Variants in MCTP1 observed in about 807,000 individuals in gnomAD.
MCTP1 encodes multiple C2 and transmembrane domain-containing protein 1.
A neutral mutation model predicts 120.6 loss-of-function variants in MCTP1; 69 were observed. The observed-to-expected ratio is 0.57, with a 90% confidence interval of 0.47 to 0.70. MCTP1 has a LOEUF of 0.70. MCTP1 is among the 30% of genes least tolerant of loss of function. MCTP1 has a pLI of 0.00. For synonymous variants in MCTP1, 529 were observed against 493.1 expected, an observed-to-expected ratio of 1.07 and a Z score of -0.96; for missense variants, 1,203 against 1,248.8, an observed-to-expected ratio of 0.96 and a Z score of 0.55.
rs1755530272 is a variant in MCTP1 at position 94,708,608 on chromosome 5, G to T, written c.2832C>A (p.Gly944=). Residue 944 remains glycine (G), a splice_region_variant and synonymous_variant, in exon 22 of 23, where the codon GGC becomes GGA. Coordinates refer to ENST00000515393, the MANE Select transcript of MCTP1 (RefSeq NM_024717.7). ...IPLRYIVLVW[G]INKFTKKLRS... is the part of the protein sequence containing the mutation. ...GAAGCTTTTTTGTAAATTTATTGAT[G>T]CCTGAAACAAAGTTGGAGTTAAACA... 1 of 1,587,758 alleles carries T rather than the reference G, an allele frequency of 6.3e-7. No individual in the cohort carries two copies. The highest frequency in any genetic ancestry group is 8.6e-7 in the Non-Finnish European group (1 of 1,157,160).
chr5:95,028,876 T>C (rs1052588372), intron 1 of MCTP1, among the ~76,000 whole-genome samples: 6 of 152,194 alleles, frequency 3.9e-5, no homozygotes, highest in East Asian at 1.9e-4. Flanking sequence ...AGATAAAATA[T>C]GTAGGCCGGG....
chr5:95,216,957 T>C (rs992946871), intron 1 of MCTP1, among the ~76,000 whole-genome samples: 1 of 152,190 alleles, frequency 6.6e-6, no homozygotes, highest in Non-Finnish European at 1.5e-5. Context: ...AAGATTTAAA[T>C]GTTTTTCACT....
intron 1 of MCTP1, among the ~76,000 whole-genome samples, chr5:95,248,681 G>A (rs959730506): frequency 6.6e-6 from 1 of 152,036 alleles, no homozygotes; most frequent in Non-Finnish European, 1.5e-5. Flanking sequence ...TTAAAATTCA[G>A]ATGGAACCAA....
At chr5:95,160,731 T>TAA (rs1433440648) in intron 1 of MCTP1, among the ~76,000 whole-genome samples, 10 of 66,250 alleles carry the variant, frequency 1.5e-4, no homozygotes, top group African/African-American at 3.6e-4. Flanking sequence ...ATACCCAAAA[T>TAA]ATAGGAACTC....
At chr5:95,162,697 A>G (rs1745881689) in intron 1 of MCTP1, among the ~76,000 whole-genome samples, 1 of 152,188 alleles carries the variant, frequency 6.6e-6, no homozygotes, top group Non-Finnish European at 1.5e-5. Flanking sequence ...AAAATGTTAG[A>G]TTACTTTCAT....
At chr5:94,892,953 T>C (rs535034145) in intron 11 of MCTP1, among the ~76,000 whole-genome samples, 16 of 152,320 alleles carry the variant, frequency 1.1e-4, no homozygotes, top group African/African-American at 3.6e-4. Context: ...AGATGTGCTA[T>C]GTTGCATATA....
intron 2 of MCTP1, among the ~76,000 whole-genome samples, chr5:94,963,518 A>G (rs985884959): frequency 6.7e-6 from 1 of 150,160 alleles, no homozygotes; most frequent in African/African-American, 2.5e-5. Context: ...GTGTGATTTG[A>G]TACCTCAGTG....
rs368220274 is a variant in MCTP1, at chr5:94,870,883, T to A, written c.2230A>T (p.Ile744Phe). The change falls in exon 15 of 23, where the codon ATT becomes TTT. Residue 744 changes from isoleucine (I) to phenylalanine (F), a missense_variant. Physicochemically the swap from Ile to Phe is conservative, Grantham distance 21. Around this residue, in one of 2 missense-constraint regions of MCTP1, gnomAD observed 740 missense variants for 871.1 expected, o/e 0.85. Transcript: ENST00000515393. ...AAGTTAAGACTTACAGCATTAAAAA[T>A]CACATCTATTTCAAGATAGATGACC... ...KGVIYLEIDV[I>F]FNAVKASLRT... 2 of 1,611,194 alleles carry A rather than the reference T, an allele frequency of 1.2e-6. No homozygotes were observed. Among genetic ancestry groups the A allele is most frequent in the Non-Finnish European group, 1.7e-6 (2 of 1,177,574 alleles).
intron 10 of MCTP1, among the ~76,000 whole-genome samples, chr5:94,900,556 C>A (rs1452505726): frequency 1.3e-5 from 2 of 152,170 alleles, no homozygotes; most frequent in South Asian, 2.1e-4. Flanking sequence ...TTAATTAATT[C>A]TTTCATTAAC....
At chr5:95,237,092 C>T (rs1755622634) in intron 1 of MCTP1, among the ~76,000 whole-genome samples, 1 of 152,188 alleles carries the variant, frequency 6.6e-6, no homozygotes, top group Non-Finnish European at 1.5e-5. Context: ...TCCAGTCCCT[C>T]TTTTCAGCCT....
At chr5:94,717,153 TAAG>T (rs765732381) in intron 19 of MCTP1, among the ~76,000 whole-genome samples, 1 of 152,054 alleles carries the variant, frequency 6.6e-6, no homozygotes, top group Non-Finnish European at 1.5e-5. Context: ...ATATTAATGT[TAAG>T]AAGTTAAAAA....
chr5:95,081,961 G>T, intron 1 of MCTP1: 2 of 457,804 alleles, frequency 4.4e-6, no homozygotes, highest in Non-Finnish European at 5.7e-6. Flanking sequence ...TGTTATTAAG[G>T]ATGTGAGAAC....
chr5:94,909,153 A>G, intron 10 of MCTP1, 98 bp downstream of exon 10: 3 of 1,398,636 alleles, frequency 2.1e-6, no homozygotes, highest in Non-Finnish European at 3.0e-6. Context: ...CCCTTTCTTC[A>G]AAACAGTAAA....
At chr5:94,957,518 T>C (rs1443430711) in intron 2 of MCTP1, among the ~76,000 whole-genome samples, 3 of 151,758 alleles carry the variant, frequency 2.0e-5, no homozygotes, top group African/African-American at 4.8e-5. Flanking sequence ...AGGAGACCCA[T>C]CTCACGTGCA....
intron 1 of MCTP1, among the ~76,000 whole-genome samples, chr5:95,042,200 G>A (rs1343041354): frequency 6.6e-6 from 1 of 151,820 alleles, no homozygotes; most frequent in African/African-American, 2.4e-5. Flanking sequence ...ATGCCGGTAA[G>A]GAAGTATTTA....
chr5:95,221,750 G>A (rs1465727489), intron 1 of MCTP1, among the ~76,000 whole-genome samples: 1 of 152,170 alleles, frequency 6.6e-6, no homozygotes, highest in Non-Finnish European at 1.5e-5. Context: ...TGAATGTAAG[G>A]TCTTGATGAA....
intron 1 of MCTP1, among the ~76,000 whole-genome samples, chr5:95,275,719 T>A (rs112124404): frequency 2.6e-4 from 40 of 152,294 alleles, no homozygotes; most frequent in African/African-American, 8.9e-4. Flanking sequence ...CATTTTACAC[T>A]TATAGCCCAT....
intron 17 of MCTP1, among the ~76,000 whole-genome samples, chr5:94,810,085 T>A (rs1378147170): frequency 6.6e-6 from 1 of 152,164 alleles, no homozygotes; most frequent in Non-Finnish European, 1.5e-5. Context: ...CCTTCCTGTC[T>A]TTCAGGTTTT....
intron 18 of MCTP1, among the ~76,000 whole-genome samples, chr5:94,783,726 T>TA (rs1339595585): frequency 1.3e-5 from 2 of 152,060 alleles, no homozygotes; most frequent in African/African-American, 4.8e-5. Context: ...AAGAGGGGGT[T>TA]AAAAGGCCCA....
Sources: allele counts gnomAD v4.1 joint callset (sites outside exome capture counted in the v4.1 genomes callset), GRCh38; gene constraint gnomAD v4.1.1; regional missense constraint gnomAD v4.1.1; transcripts MANE v1.5; gene names NCBI Gene and HGNC (gene_info 2026-07-23, HGNC 2026-07-21).